DOCK8: variants seen among roughly 807,000 people sequenced by gnomAD.
The protein encoded by DOCK8 is dedicator of cytokinesis protein 8.
In DOCK8, 141 loss-of-function variants were observed where a neutral mutation model predicts 245.6. The observed-to-expected ratio is 0.57, with a 90% CI of 0.50 to 0.66. DOCK8 has a LOEUF of 0.66. DOCK8 is among the 30% of genes least tolerant of loss of function. The pLI, the probability that DOCK8 is intolerant of heterozygous loss-of-function variation, is 0.00. For synonymous variants in DOCK8, 1,168 were observed against 970.2 expected (o/e 1.20, Z -3.79); for missense variants, 2,965 against 2,603.4 (o/e 1.14, Z -3.02).
Position 372,272 on chromosome 9 carries a change from A to T in DOCK8, c.2095A>T (p.Met699Leu). 1 of 1,613,866 alleles carries T rather than the reference A, an allele frequency of 6.2e-7. No individual in the cohort carries two copies. The highest frequency in any genetic ancestry group is 1.1e-5 in the South Asian group (1 of 91,084). ...GGAAAAATTGCCACCCAACTACTCCATGCATTCTGCTGAGGTAATTGGCAA... is the reference window on the plus strand; with the variant it reads ...GGAAAAATTGCCACCCAACTACTCCTTGCATTCTGCTGAGGTAATTGGCAA... ...ALEKLPPNYSMHSAEKVPLQN... is the reference protein window; with the variant it reads ...ALEKLPPNYSLHSAEKVPLQN... The change falls in exon 18 of 48, where the codon ATG (methionine) becomes TTG (leucine). Residue 699 changes from methionine to leucine, a missense_variant. Coordinates refer to ENST00000432829, the MANE Select transcript of DOCK8 (RefSeq NM_203447.4).
chr9:398,236 C>A (rs868497177), intron 25 of DOCK8, among the ~76,000 whole-genome samples: 4 of 152,164 alleles, frequency 2.6e-5, no homozygotes, highest in Non-Finnish European at 4.4e-5. Flanking sequence ...GATACTGAGT[C>A]ACGTAAGGCA....
intron 28 of DOCK8, among the ~76,000 whole-genome samples, chr9:412,698 TG>T (rs1210066370): frequency 6.6e-6 from 1 of 152,016 alleles, no homozygotes; most frequent in Non-Finnish European, 1.5e-5. Context: ...TAGGAATAAA[TG>T]TAACAAAAGA....
At chr9:358,885 A>G (rs1406018714) in intron 14 of DOCK8, among the ~76,000 whole-genome samples, 1 of 152,176 alleles carries the variant, frequency 6.6e-6, no homozygotes, top group Non-Finnish European at 1.5e-5. Flanking sequence ...AAAACCTGCA[A>G]ATTTGAGCTG....
At chr9:329,967 C>T (rs1299070089) in intron 9 of DOCK8, among the ~76,000 whole-genome samples, 2 of 152,148 alleles carry the variant, frequency 1.3e-5, no homozygotes, top group Non-Finnish European at 2.9e-5. Flanking sequence ...ATCGTAATGC[C>T]ATCATTGTTG....
intron 17 of DOCK8, 53 bp downstream of exon 17, chr9:371,619 G>T: frequency 6.2e-7 from 1 of 1,611,860 alleles, no homozygotes; most frequent in Non-Finnish European, 8.5e-7. Context: ...TGCATCTGAG[G>T]TCCCTGCAGA....
Position 388,190 on chromosome 9 carries a change from G to A in DOCK8, c.2874+1764G>A, listed in dbSNP as rs115067469. Among the ~76,000 whole-genome samples, 586 of 152,274 alleles carry A rather than the reference G, an allele frequency of 3.8e-3. 1 individual carries two copies. Among genetic ancestry groups the A allele is most frequent in the African/African-American group, 0.013 (559 of 41,560 alleles). On this transcript the variant is annotated intron_variant, in intron 23 of 47. Coordinates refer to ENST00000432829, the MANE Select transcript of DOCK8 (RefSeq NM_203447.4). ...CCTACAATGAGAAGATCAAGGTGTA[G>A]TCCAGTTATAATATGTGCACAGTTA...
Position 224,927 on chromosome 9 carries a change from A to G in DOCK8, c.53+9898A>G, listed in dbSNP as rs556211596. 6.6e-5 allele frequency among the ~76,000 whole-genome samples: 10 copies of G among 152,324 alleles called. 1 individual carries two copies. In the East Asian group the frequency reaches 1.7e-3, roughly 26 times the overall value. ...ATGGCCATCTGTTGTCTGTGAGAAC[A>G]AGACTATCACCCACCTGTTGACATG... On this transcript the variant is annotated intron_variant, in intron 1 of 47. Coordinates refer to ENST00000432829, the MANE Select transcript of DOCK8 (RefSeq NM_203447.4).
chr9:288,686 G>A (rs927672509), intron 3 of DOCK8, among the ~76,000 whole-genome samples: 14 of 152,192 alleles, frequency 9.2e-5, no homozygotes, highest in Non-Finnish European at 1.5e-5. Flanking sequence ...TTAAGGAGAG[G>A]AAACTGAGGC....
intron 1 of DOCK8, among the ~76,000 whole-genome samples, chr9:250,504 A>G (rs540313415): frequency 6.6e-6 from 1 of 152,298 alleles, no homozygotes; most frequent in African/African-American, 2.4e-5. Flanking sequence ...ATACCACACC[A>G]TACTGGGTTT....
At chr9:269,754 C>T (rs1027194415) in intron 1 of DOCK8, among the ~76,000 whole-genome samples, 1 of 152,004 alleles carries the variant, frequency 6.6e-6, no homozygotes, top group Admixed American at 6.6e-5. Flanking sequence ...GATGGGGTTT[C>T]ACCATGTTGG....
chr9:291,102 G>A (rs2049019765), intron 4 of DOCK8, among the ~76,000 whole-genome samples: 1 of 152,146 alleles, frequency 6.6e-6, no homozygotes. Context: ...GTTTTTAAAT[G>A]CTATCATTAG....
chr9:259,432 A>G (rs1402746881), intron 1 of DOCK8, among the ~76,000 whole-genome samples: 1 of 152,226 alleles, frequency 6.6e-6, no homozygotes. Context: ...ATTTAAATGC[A>G]TTTTTAAGCT....
intron 4 of DOCK8, among the ~76,000 whole-genome samples, chr9:293,279 C>G (rs779872541): frequency 2.1e-4 from 32 of 152,344 alleles, no homozygotes; most frequent in Non-Finnish European, 4.1e-4. Flanking sequence ...CTAGCACACA[C>G]TCCTCCCAGG....
chr9:462,963 T>C (rs558045850), intron 46 of DOCK8, among the ~76,000 whole-genome samples: 4 of 152,336 alleles, frequency 2.6e-5, no homozygotes, highest in South Asian at 2.1e-4. Context: ...AAATGCTGAC[T>C]TTTTAGGGTT....
chr9:434,012 G>C, intron 38 of DOCK8, 37 bp downstream of exon 38: 1 of 1,484,772 alleles, frequency 6.7e-7, no homozygotes, highest in Non-Finnish European at 9.4e-7. Flanking sequence ...ACACCATTTG[G>C]GGGTCGAGGA....
intron 27 of DOCK8, among the ~76,000 whole-genome samples, chr9:406,324 A>T (rs1361331745): frequency 6.6e-6 from 1 of 152,040 alleles, no homozygotes; most frequent in African/African-American, 2.4e-5. Flanking sequence ...ACTCATATCT[A>T]CTAAAAATAC....
At position 411,618 on chromosome 9, in the gene DOCK8, A is replaced by G. The variant is rs189061492; in HGVS notation, c.3531-3164A>G. Among the ~76,000 whole-genome samples the G allele has an allele frequency of 2.6e-3, 394 of 152,228 alleles. 3 individuals are homozygous for G. The highest frequency in any genetic ancestry group is 4.5e-3 in the Non-Finnish European group (309 of 67,994). On this transcript the variant is annotated intron_variant, in intron 28 of 47. Transcript: ENST00000432829. ...TGTTCTATGAAGCTAGCATTACCCT[A>G]TACTAAACCAGACAAAGACATCATG...
intron 2 of DOCK8, among the ~76,000 whole-genome samples, chr9:281,202 C>T (rs938478447): frequency 1.3e-5 from 2 of 151,480 alleles, no homozygotes; most frequent in African/African-American, 2.4e-5. Context: ...TGCAGTGAGC[C>T]GAGATCCCGC....
At chr9:390,299 G>C (rs1447290564) in intron 23 of DOCK8, among the ~76,000 whole-genome samples, 172 bp from the exon 24 acceptor site, 1 of 152,162 alleles carries the variant, frequency 6.6e-6, no homozygotes, top group Non-Finnish European at 1.5e-5. Flanking sequence ...CCAGTCTCAG[G>C]TGATCTCAGC....
Sources: allele counts gnomAD v4.1 joint callset (sites outside exome capture counted in the v4.1 genomes callset), GRCh38; gene constraint gnomAD v4.1.1; transcripts MANE v1.5; gene names NCBI Gene and HGNC (gene_info 2026-07-23, HGNC 2026-07-21).